CNTLN: variants seen among roughly 807,000 people sequenced by gnomAD.
CNTLN encodes the protein centlein, centrosomal protein.
CNTLN carries 212 observed loss-of-function variants against 180.0 expected under a neutral mutation model. That is an observed-to-expected ratio of 1.18 (90% CI 1.05 to 1.32). The LOEUF is 1.32. Ranked by LOEUF, CNTLN falls within the 40% of genes most tolerant of loss-of-function variation. The probability of loss-of-function intolerance (pLI) is 0.00; values close to 1 mark genes in which losing one functional copy is unlikely to be tolerated. For synonymous variants in CNTLN, 722 were observed against 563.1 expected (o/e 1.28, Z -3.99); for missense variants, 2,095 against 1,610.9 (o/e 1.30, Z -5.14).
At chr9:17,391,003 G>A (rs2133691445) in intron 14 of CNTLN, among the ~76,000 whole-genome samples, 1 of 152,196 alleles carries the variant, frequency 6.6e-6, no homozygotes, top group Admixed American at 6.5e-5. Context: ...TAAAAGGCAG[G>A]TTAACACGAG....
chr9:17,146,499 C>T (rs576596413), intron 2 of CNTLN, among the ~76,000 whole-genome samples: 64 of 152,220 alleles, frequency 4.2e-4, no homozygotes, highest in African/African-American at 1.4e-3. Flanking sequence ...CATGAGGGCT[C>T]GGCCCTCATA....
At chr9:17,268,208 G>A (rs1185317343) in intron 5 of CNTLN, among the ~76,000 whole-genome samples, 2 of 152,108 alleles carry the variant, frequency 1.3e-5, no homozygotes, top group Non-Finnish European at 2.9e-5. Context: ...TTACAGATGG[G>A]TTTTTAGTGT....
chr9:17,176,453 G>A (rs545352514), intron 2 of CNTLN, among the ~76,000 whole-genome samples: 14 of 152,238 alleles, frequency 9.2e-5, no homozygotes, highest in African/African-American at 1.7e-4. Flanking sequence ...TCACTTGGTC[G>A]TGGAGTACAA....
intron 12 of CNTLN, among the ~76,000 whole-genome samples, chr9:17,355,343 T>C (rs10963063): frequency 0.51 from 77,756 of 152,008 alleles, 20,975 homozygotes; most frequent in Non-Finnish European, 0.6. Context: ...TTACATATTC[T>C]AGATGTTAGA....
At chr9:17,467,080 A>C (rs537642102) in intron 23 of CNTLN, among the ~76,000 whole-genome samples, 189 bp downstream of exon 23, 29 of 151,718 alleles carry the variant, frequency 1.9e-4, no homozygotes, top group African/African-American at 6.3e-4. Flanking sequence ...TTGAATTTAA[A>C]ATTTTCTACC....
chr9:17,303,836 A>G (rs1175922820), intron 7 of CNTLN, among the ~76,000 whole-genome samples: 3 of 152,174 alleles, frequency 2.0e-5, no homozygotes, highest in African/African-American at 7.2e-5. Context: ...ATATTTTCGA[A>G]TAATAATTGG....
At chr9:17,469,760 A>C (rs1356966853) in intron 23 of CNTLN, among the ~76,000 whole-genome samples, 3 of 145,628 alleles carry the variant, frequency 2.1e-5, no homozygotes, top group Non-Finnish European at 4.4e-5. Flanking sequence ...TCTCTCCTTC[A>C]GATTTAACTC....
chr9:17,494,724 C>T (rs1206867309), intron 25 of CNTLN, among the ~76,000 whole-genome samples: 2 of 152,108 alleles, frequency 1.3e-5, no homozygotes, highest in Admixed American at 1.3e-4. Context: ...TGTAGCACAA[C>T]ACATTACTCT....
At chr9:17,206,047 C>T (rs565822231) in intron 2 of CNTLN, among the ~76,000 whole-genome samples, 1 of 152,150 alleles carries the variant, frequency 6.6e-6, no homozygotes, top group African/African-American at 2.4e-5. Flanking sequence ...AGTTCATCAA[C>T]TGGGTAGCCA....
intron 5 of CNTLN, among the ~76,000 whole-genome samples, chr9:17,258,935 C>A (rs914334840): frequency 1.3e-5 from 2 of 149,874 alleles, no homozygotes; most frequent in African/African-American, 5.0e-5. Context: ...GACAATTTGA[C>A]TTCCTCTTTT....
intron 18 of CNTLN, among the ~76,000 whole-genome samples, chr9:17,443,722 A>C (rs1377133642): frequency 6.6e-6 from 1 of 152,186 alleles, no homozygotes; most frequent in Non-Finnish European, 1.5e-5. Flanking sequence ...AAAAATGAAG[A>C]AGGAAATCTA....
chr9:17,348,532 C>CTTT (rs35021719), intron 12 of CNTLN, among the ~76,000 whole-genome samples: 3 of 141,004 alleles, frequency 2.1e-5, no homozygotes, highest in Admixed American at 7.1e-5. Context: ...TTCTTTCTTT[C>CTTT]TTTTTTTTTT....
At chr9:17,212,905 CT>C (rs1358837470) in intron 2 of CNTLN, among the ~76,000 whole-genome samples, 1 of 152,122 alleles carries the variant, frequency 6.6e-6, no homozygotes, top group Admixed American at 6.5e-5. Context: ...GTGATATCCC[CT>C]TTATCATTTT....
intron 13 of CNTLN, among the ~76,000 whole-genome samples, chr9:17,371,254 T>C (rs1028733591): frequency 2.0e-5 from 3 of 152,034 alleles, no homozygotes; most frequent in African/African-American, 7.2e-5. Context: ...AAGAAACATA[T>C]AGACTGAAAA....
chr9:17,306,961 T>C (rs939851226), intron 7 of CNTLN, among the ~76,000 whole-genome samples: 16 of 152,230 alleles, frequency 1.1e-4, no homozygotes, highest in African/African-American at 3.9e-4. Context: ...TGCTTTTTTC[T>C]TTTCTACCCT....
intron 6 of CNTLN, among the ~76,000 whole-genome samples, chr9:17,284,262 T>C (rs1240673541): frequency 6.6e-6 from 1 of 152,220 alleles, no homozygotes; most frequent in Non-Finnish European, 1.5e-5. Flanking sequence ...GGTATCAGGA[T>C]GATACTGACC....
chr9:17,316,103 G>A (rs1490574493), intron 8 of CNTLN, among the ~76,000 whole-genome samples: 1 of 151,666 alleles, frequency 6.6e-6, no homozygotes, highest in Non-Finnish European at 1.5e-5. Flanking sequence ...TTTGCTTCAT[G>A]TATTTTGGGG....
chr9:17,386,494 C>T (rs1366472348), intron 13 of CNTLN, among the ~76,000 whole-genome samples: 1 of 152,180 alleles, frequency 6.6e-6, no homozygotes, highest in Non-Finnish European at 1.5e-5. Context: ...GTATTTCTAA[C>T]TAGGTCTTGT....
chr9:17,445,900 C>G (rs899966981), intron 18 of CNTLN, among the ~76,000 whole-genome samples: 2 of 149,646 alleles, frequency 1.3e-5, no homozygotes, highest in Admixed American at 6.6e-5. Context: ...GTATAAAACC[C>G]GATTGTATGC....
Sources: gnomAD v4.1 joint callset for allele counts (sites outside exome capture counted in the v4.1 genomes callset) on GRCh38, gnomAD v4.1.1 for gene constraint, MANE v1.5 for transcripts, NCBI Gene and HGNC (gene_info 2026-07-23, HGNC 2026-07-21) for gene names.